KCNJ6: variants seen among roughly 807,000 people sequenced by gnomAD.
KCNJ6 encodes potassium inwardly rectifying channel subfamily J member 6.
A neutral mutation model predicts 34.2 loss-of-function variants in KCNJ6; 9 were observed. The observed-to-expected ratio is 0.26, with a 90% CI of 0.16 to 0.46. The LOEUF is 0.46. Among genes scored for constraint, KCNJ6 ranks in the 20% least tolerant of loss-of-function variants. The pLI is 1.00. For missense variants in KCNJ6, 236 were observed against 531.3 expected (o/e 0.44, Z 5.46); for synonymous variants, 196 against 207.1 (o/e 0.95, Z 0.46).
Position 37,853,846 on chromosome 21 carries a change from G to GTGTATATATATATATATATATATACA in KCNJ6, c.-27-13138_-27-13137insTGTATATATATATATATATATATACA, listed in dbSNP as rs71198897. 4.3e-3 allele frequency among the ~76,000 whole-genome samples: 500 copies of GTGTATATATATATATATATATATACA among 115,948 alleles called. 7 individuals are homozygous for GTGTATATATATATATATATATATACA. The highest frequency in any genetic ancestry group is 0.016 in the East Asian group (54 of 3,340). 76.1% of individuals were successfully genotyped at this position (115,948 alleles called of 152,430 possible). On this transcript the variant is annotated intron_variant, in intron 1 of 3. Coordinates refer to ENST00000609713, the MANE Select transcript of KCNJ6 (RefSeq NM_002240.5). ...GTAGTTAAGAGATACATATATATAT[G>GTGTATATATATATATATATATATACA]TATATATATATATATAAATTACATT...
chr21:37,709,121 A>G (rs1470457602), intron 3 of KCNJ6, among the ~76,000 whole-genome samples: 1 of 143,904 alleles, frequency 6.9e-6, no homozygotes, highest in African/African-American at 2.7e-5. Context: ...AAATGAATTG[A>G]TAACATTTGG....
At chr21:37,637,133 G>GT (rs1223446421) in intron 3 of KCNJ6, among the ~76,000 whole-genome samples, 1 of 152,208 alleles carries the variant, frequency 6.6e-6, no homozygotes. Flanking sequence ...GTCAGTGCTG[G>GT]GTCGCTTTTC....
chr21:37,715,702 G>A (rs1359380711), intron 2 of KCNJ6, among the ~76,000 whole-genome samples: 2 of 152,098 alleles, frequency 1.3e-5, no homozygotes, highest in East Asian at 3.9e-4. Context: ...CAATCTAATA[G>A]GACTGGTATC....
Position 37,668,267 on chromosome 21 carries a change from T to C in KCNJ6, c.947-42783A>G, listed in dbSNP as rs113785312. Among the ~76,000 whole-genome samples, 634 of 152,122 alleles carry C rather than the reference T, an allele frequency of 4.2e-3. 3 individuals carry two copies. Among genetic ancestry groups the C allele is most frequent in the Non-Finnish European group, 7.1e-3 (486 of 67,976 alleles). On this transcript the variant is annotated intron_variant, in intron 3 of 3. Transcript: ENST00000609713. The stretch of plus-strand genomic sequence containing the variant: ...CCCATGTTCAGCCCCACGTGAGGAG[T>C]TGGAGGAGTGCTAGTGCCCCAGGGG...
intron 1 of KCNJ6, among the ~76,000 whole-genome samples, chr21:37,889,214 A>G (rs2055750013): frequency 6.6e-6 from 1 of 152,196 alleles, no homozygotes; most frequent in African/African-American, 2.4e-5. Flanking sequence ...AGTGGAGTTC[A>G]GGTCTAAAGA....
chr21:37,833,877 T>C (rs1445059321), intron 2 of KCNJ6, among the ~76,000 whole-genome samples: 1 of 152,166 alleles, frequency 6.6e-6, no homozygotes, highest in Non-Finnish European at 1.5e-5. Flanking sequence ...AAACTCAATA[T>C]ATTTGCATTT....
At position 37,745,846 on chromosome 21, in the gene KCNJ6, C is replaced by T. The variant is rs576509875; in HGVS notation, c.26-30715G>A. Among the ~76,000 whole-genome samples the T allele has an allele frequency of 3.7e-4, 57 of 152,288 alleles. No individual in the cohort carries two copies. The South Asian group carries it at 0.011, about 29-fold the overall frequency. On this transcript the variant is annotated intron_variant, in intron 2 of 3. Coordinates refer to ENST00000609713, the MANE Select transcript of KCNJ6 (RefSeq NM_002240.5). ...GAGCACACACGTCCCACTAGGGCAG[C>T]GGAGGCAATTCCAGGATCACGGTGT...
At chr21:37,666,271 C>A (rs930628285) in intron 3 of KCNJ6, among the ~76,000 whole-genome samples, 2 of 152,114 alleles carry the variant, frequency 1.3e-5, no homozygotes, top group South Asian at 4.1e-4. Context: ...TGAGTAGGAC[C>A]AAGTCCTCAC....
chr21:37,783,305 A>C (rs193180186), intron 2 of KCNJ6, among the ~76,000 whole-genome samples: 156 of 152,310 alleles, frequency 1.0e-3, no homozygotes, highest in Middle Eastern at 6.8e-3. Context: ...TTGTACTCCC[A>C]TAATTCCCAT....
At chr21:37,721,931 AG>A (rs1163561286) in intron 2 of KCNJ6, among the ~76,000 whole-genome samples, 3 of 152,200 alleles carry the variant, frequency 2.0e-5, no homozygotes, top group African/African-American at 7.2e-5. Flanking sequence ...AAGCAAGCAC[AG>A]GAAGTCCTAG....
Position 37,618,431 on chromosome 21 carries a change from A to G in KCNJ6, c.*6728T>C, listed in dbSNP as rs190490003. Reference sequence around the variant, plus strand: ...TATCAGAGTTTTAGAAACGATGATGATTACATGTTTATTTCACTAGTGCTT... The same window carrying G: ...TATCAGAGTTTTAGAAACGATGATGGTTACATGTTTATTTCACTAGTGCTT... On this transcript the variant is annotated 3_prime_UTR_variant, in exon 4 of 4. Coordinates refer to ENST00000609713, the MANE Select transcript of KCNJ6 (RefSeq NM_002240.5). 4.6e-5 allele frequency: 7 copies of G among 152,338 alleles called. No homozygotes were observed. The highest frequency in any genetic ancestry group is 7.3e-5 in the Non-Finnish European group (5 of 68,040). 9.4% of individuals were successfully genotyped at this position (152,338 alleles called of 1,614,324 possible).
At chr21:37,800,594 T>C (rs928370467) in intron 2 of KCNJ6, among the ~76,000 whole-genome samples, 2 of 152,160 alleles carry the variant, frequency 1.3e-5, no homozygotes, top group Non-Finnish European at 2.9e-5. Flanking sequence ...ACAGAGAGCT[T>C]ATCAGCAAGA....
In KCNJ6 at chr21:37,621,624, A is replaced by G. The variant is rs1250305968; in HGVS notation, c.*3535T>C. On this transcript the variant is annotated 3_prime_UTR_variant, in exon 4 of 4. Coordinates refer to ENST00000609713, the MANE Select transcript of KCNJ6 (RefSeq NM_002240.5). Reference sequence around the variant, plus strand: ...TAGCTTGGTTAGACCTGCAAGAGAAAATTGTGCTTAAGAAATAGGTTGACA... The same window carrying G: ...TAGCTTGGTTAGACCTGCAAGAGAAGATTGTGCTTAAGAAATAGGTTGACA... The G allele has an allele frequency of 6.6e-6, 1 of 152,220 alleles. No homozygotes were observed. Among genetic ancestry groups the G allele is most frequent in the Non-Finnish European group, 1.5e-5 (1 of 68,042 alleles). The allele number at this position is 152,220 out of a possible 1,614,324, so 9.4% of individuals were successfully genotyped here.
chr21:37,615,608 A>C lies in KCNJ6; in HGVS notation c.*9551T>G, dbSNP rs572092296. 1 of 152,334 alleles carries C rather than the reference A, an allele frequency of 6.6e-6. No homozygotes were observed. The highest frequency in any genetic ancestry group is 2.4e-5 in the African/African-American group (1 of 41,572). The allele number at this position is 152,334 out of a possible 1,614,324, so 9.4% of individuals were successfully genotyped here. A position where few individuals can be genotyped will look rare whatever the true frequency, so the allele number is the denominator to read the frequency against. ...AGTTCAAAGCCAGATGGAAAATGGC[A>C]AGTTCAAGAAGAAATAGTATTCTGG... On this transcript the variant is annotated 3_prime_UTR_variant, in exon 4 of 4. Transcript: ENST00000609713.
chr21:37,614,613 CGTGT>C lies in KCNJ6; in HGVS notation c.*10542_*10545del, dbSNP rs1191413390. ...ATGTGTGTGTATGCATGTCTGTATG[CGTGT>C]GTGTATGCATATGTCTGTGTGTGTA... On this transcript the variant is annotated 3_prime_UTR_variant, in exon 4 of 4. Transcript: ENST00000609713. The C allele has an allele frequency of 1.1e-4, 6 of 55,972 alleles. No individual in the cohort carries two copies. The highest frequency in any genetic ancestry group is 3.5e-4 in the African/African-American group (5 of 14,198). 3.5% of individuals were successfully genotyped at this position (55,972 alleles called of 1,614,324 possible).
intron 3 of KCNJ6, among the ~76,000 whole-genome samples, chr21:37,661,528 C>T (rs555119935): frequency 1.3e-5 from 2 of 150,964 alleles, no homozygotes; most frequent in Non-Finnish European, 2.9e-5. Context: ...AATGCTGAAT[C>T]CTGCCTTAGA....
chr21:37,872,968 C>T (rs1347270809), intron 1 of KCNJ6, among the ~76,000 whole-genome samples: 1 of 152,198 alleles, frequency 6.6e-6, no homozygotes, highest in African/African-American at 2.4e-5. Flanking sequence ...TGTAAGTTTC[C>T]TGAGGCCTCC....
intron 2 of KCNJ6, among the ~76,000 whole-genome samples, chr21:37,770,437 T>C (rs777422441): frequency 2.0e-5 from 3 of 152,140 alleles, no homozygotes; most frequent in Non-Finnish European, 4.4e-5. Flanking sequence ...GGGATTAATA[T>C]ACCACTTGAG....
intron 1 of KCNJ6, among the ~76,000 whole-genome samples, chr21:37,914,210 C>T (rs1307542832): frequency 2.0e-5 from 3 of 152,110 alleles, no homozygotes; most frequent in Non-Finnish European, 4.4e-5. Flanking sequence ...TTCTTTGCCT[C>T]ACGTAATTCC....
Sources: allele counts gnomAD v4.1 joint callset (sites outside exome capture counted in the v4.1 genomes callset), GRCh38; gene constraint gnomAD v4.1.1; transcripts MANE v1.5; gene names NCBI Gene and HGNC (gene_info 2026-07-23, HGNC 2026-07-21).